Variants in CEP57 observed in about 807,000 individuals in gnomAD.
The protein encoded by CEP57 is centrosomal protein 57.
Under a neutral mutation model 68.0 loss-of-function variants are expected in CEP57, and 40 were observed. That is an observed-to-expected ratio of 0.59 (90% CI 0.46 to 0.77). The LOEUF is 0.77. Among genes scored for constraint, CEP57 ranks in the 30% least tolerant of loss-of-function variants. The pLI, the probability that CEP57 is intolerant of heterozygous loss-of-function variation, is 0.00. For synonymous variants in CEP57, 219 were observed against 198.7 expected (o/e 1.10, Z -0.86); for missense variants, 606 against 580.7 (o/e 1.04, Z -0.45).
chr11:95,798,462 G>C (rs916528528), intron 1 of CEP57, among the ~76,000 whole-genome samples: 2 of 152,196 alleles, frequency 1.3e-5, no homozygotes, highest in African/African-American at 4.8e-5. Context: ...ATAGTTTGCT[G>C]TGGCCGTTTG....
In CEP57 at chr11:95,812,919, TTG is replaced by T; in HGVS notation, c.203-11_203-10del. ...GCTGTTACAGCATCCACGTTTGTGT[TTG>T]TATTTGGCAGCCATATTTTCTGCTC... On this transcript the variant is annotated splice_polypyrimidine_tract_variant and intron_variant, in intron 2 of 10. Transcript: ENST00000325542. The T allele has an allele frequency of 6.2e-7, 1 of 1,613,266 alleles. No homozygotes were observed. The highest frequency in any genetic ancestry group is 8.5e-7 in the Non-Finnish European group (1 of 1,179,492).
chr11:95,809,345 C>CT (rs1196839107), intron 2 of CEP57, among the ~76,000 whole-genome samples: 1 of 152,126 alleles, frequency 6.6e-6, no homozygotes, highest in South Asian at 2.1e-4. Flanking sequence ...CAAGAAATAA[C>CT]TAAGATCAGA....
chr11:95,795,336 A>G (rs1384605010), intron 1 of CEP57, among the ~76,000 whole-genome samples: 1 of 152,084 alleles, frequency 6.6e-6, no homozygotes, highest in Non-Finnish European at 1.5e-5. Flanking sequence ...ATATATTTTC[A>G]TAAGTTGCAT....
rs2135383821 is a variant in CEP57, at chr11:95,831,033, A to C, written c.1280A>C (p.Lys427Thr). 1 of 1,610,240 alleles carries C rather than the reference A, an allele frequency of 6.2e-7. No homozygotes were observed. The highest frequency in any genetic ancestry group is 2.2e-5 in the East Asian group (1 of 44,808). Residue 427 changes from lysine to threonine, a missense_variant, in exon 11 of 11, where the codon AAA (lysine) becomes ACA (threonine). Physicochemically the swap from Lys to Thr is moderately conservative, Grantham distance 78. Coordinates refer to ENST00000325542, the MANE Select transcript of CEP57 (RefSeq NM_014679.5). ...KVRKYQAQLE[K>T]QKLEKQKKEL... Reference sequence around the variant, plus strand: ...CTTGGTTATTTGGTATAGCTGGAGAAACAGAAGTTAGAGAAGCAGAAGAAG... The same window carrying C: ...CTTGGTTATTTGGTATAGCTGGAGACACAGAAGTTAGAGAAGCAGAAGAAG...
At position 95,799,290 on chromosome 11, in the gene CEP57, C is replaced by T. The variant is rs1422459007; in HGVS notation, c.104C>T (p.Pro35Leu). Residue 35 changes from proline to leucine, a missense_variant, in exon 2 of 11, where the codon CCA becomes CTA. By Grantham distance (98) the Pro-to-Leu change is moderately conservative (BLOSUM62 -3). Coordinates refer to ENST00000325542, the MANE Select transcript of CEP57 (RefSeq NM_014679.5). ...AGCATGGTTCGGCATTCTTCATCTC[C>T]ATATGTAGTATATCCTTCGGATAAG... ...NGSMVRHSSS[P>L]YVVYPSDKPF... The T allele has an allele frequency of 1.2e-6, 2 of 1,614,078 alleles. No homozygotes were observed. The highest frequency in any genetic ancestry group is 1.1e-5 in the South Asian group (1 of 91,080).
At position 95,792,922 on chromosome 11, in the gene CEP57, TA is replaced by T. The variant is rs35157937; in HGVS notation, c.45+2192del. Among the ~76,000 whole-genome samples the T allele has an allele frequency of 1.1e-3, 165 of 146,716 alleles. 1 individual carries two copies. The highest frequency in any genetic ancestry group is 8.1e-3 in the South Asian group (37 of 4,594). On this transcript the variant is annotated intron_variant, in intron 1 of 10. Transcript: ENST00000325542. ...GCTGATCTTAACAGTAGGCAACATT[TA>T]AAAAAAAAAAAACTTGTTAAAACTA...
chr11:95,826,222 A>G (rs1242066219), intron 8 of CEP57: 1 of 152,152 alleles, frequency 6.6e-6, no homozygotes, highest in Non-Finnish European at 1.5e-5. Context: ...AATAGTAAAT[A>G]TACTTTCTCT....
intron 2 of CEP57, among the ~76,000 whole-genome samples, chr11:95,803,771 T>C (rs2135278586): frequency 6.6e-6 from 1 of 152,184 alleles, no homozygotes; most frequent in South Asian, 2.1e-4. Context: ...CAGGAAACAT[T>C]ACTAAAAATT....
intron 2 of CEP57, among the ~76,000 whole-genome samples, chr11:95,805,026 T>TGATA (rs1401488024): frequency 6.6e-6 from 1 of 152,064 alleles, no homozygotes; most frequent in Non-Finnish European, 1.5e-5. Context: ...CATATCCTTG[T>TGATA]GATACTACAG....
rs73531050 is a variant in CEP57 at position 95,818,981 on chromosome 11, G to T, written c.699+77G>T. The T allele has an allele frequency of 2.0e-4, 221 of 1,091,888 alleles. 1 individual carries two copies. The African/African-American group carries it at 3.1e-3, about 15-fold the overall frequency. The allele number at this position is 1,091,888 out of a possible 1,614,324, so 67.6% of individuals were successfully genotyped here. ...TGTACAAGTAAACAATTACATTTAG[G>T]TATCTTACATTATTTGTATTTTAGA... On this transcript the variant is annotated intron_variant, in intron 6 of 10. Coordinates refer to ENST00000325542, the MANE Select transcript of CEP57 (RefSeq NM_014679.5).
At chr11:95,793,041 C>T (rs944754644) in intron 1 of CEP57, among the ~76,000 whole-genome samples, 18 of 152,118 alleles carry the variant, frequency 1.2e-4, no homozygotes, top group African/African-American at 4.3e-4. Context: ...TTGATAAACT[C>T]ATACGGAGCT....
chr11:95,829,147 CAG>C, intron 9 of CEP57, 38 bp from the exon 10 acceptor site: 2 of 1,609,926 alleles, frequency 1.2e-6, no homozygotes, highest in Non-Finnish European at 1.7e-6. Context: ...CCATGAAACA[CAG>C]AAAACTTAAC....
chr11:95,830,893 A>G, intron 10 of CEP57, 133 bp from the exon 11 acceptor site: 2 of 596,888 alleles, frequency 3.4e-6, no homozygotes, highest in East Asian at 5.8e-5. Flanking sequence ...TTTAAAAGAA[A>G]GCCTAGAATG....
intron 1 of CEP57, among the ~76,000 whole-genome samples, chr11:95,792,084 G>A (rs1861108620): frequency 6.6e-6 from 1 of 152,288 alleles, no homozygotes; most frequent in Non-Finnish European, 1.5e-5. Flanking sequence ...GGGACTAGAA[G>A]TATTACAGTG....
chr11:95,808,249 G>C (rs974012252), intron 2 of CEP57, among the ~76,000 whole-genome samples: 22 of 151,988 alleles, frequency 1.4e-4, no homozygotes, highest in African/African-American at 5.3e-4. Flanking sequence ...ACCGGTACCA[G>C]CCACTGCAAA....
Position 95,828,096 on chromosome 11 carries a change from T to C in CEP57, c.1127+69T>C, listed in dbSNP as rs1862830431. 2.0e-6 allele frequency: 3 copies of C among 1,513,854 alleles called. 1 individual carries two copies. The South Asian group carries it at 3.7e-5, about 19-fold the overall frequency. 93.8% of individuals were successfully genotyped at this position (1,513,854 alleles called of 1,614,324 possible). A position where few individuals can be genotyped will look rare whatever the true frequency, so the allele number is the denominator to read the frequency against. On this transcript the variant is annotated intron_variant, in intron 9 of 10. Transcript: ENST00000325542. Reference sequence around the variant, plus strand: ...CCTCATTTTTTAAAAACTTGTTGACTTTATTAAATCTTACTTTCCTTTGTT... The same window carrying C: ...CCTCATTTTTTAAAAACTTGTTGACCTTATTAAATCTTACTTTCCTTTGTT...
chr11:95,812,005 C>T (rs1042119750), intron 2 of CEP57, among the ~76,000 whole-genome samples: 2 of 152,060 alleles, frequency 1.3e-5, no homozygotes, highest in Non-Finnish European at 2.9e-5. Flanking sequence ...AACCAAATGA[C>T]AGTCATTATC....
chr11:95,808,792 C>G (rs1861923478), intron 2 of CEP57, among the ~76,000 whole-genome samples: 1 of 152,136 alleles, frequency 6.6e-6, no homozygotes, highest in Non-Finnish European at 1.5e-5. Context: ...TTAGACAGAT[C>G]AGCGAGACAG....
intron 1 of CEP57, among the ~76,000 whole-genome samples, chr11:95,798,094 T>C (rs1424007709): frequency 6.6e-6 from 1 of 152,218 alleles, no homozygotes; most frequent in Non-Finnish European, 1.5e-5. Context: ...TTGTTATATA[T>C]GAACATACTA....
Sources: gnomAD v4.1 joint callset for allele counts (sites outside exome capture counted in the v4.1 genomes callset) on GRCh38, gnomAD v4.1.1 for gene constraint, MANE v1.5 for transcripts, NCBI Gene and HGNC (gene_info 2026-07-23, HGNC 2026-07-21) for gene names.